PSD3: variants seen among roughly 807,000 people sequenced by gnomAD.
The protein encoded by PSD3 is PH and SEC7 domain-containing protein 3.
Under a neutral mutation model 105.5 loss-of-function variants are expected in PSD3, and 49 were observed. That is an observed-to-expected ratio of 0.46 (90% CI 0.37 to 0.59). The LOEUF (loss-of-function observed/expected upper bound fraction) is 0.59, where lower values mean the gene tolerates loss of function less well. PSD3 is among the 20% of genes least tolerant of loss of function. The pLI is 0.00. For missense variants in PSD3, 1,561 were observed against 1,263.8 expected, an observed-to-expected ratio of 1.24 and a Z score of -3.57; for synonymous variants, 557 against 457.8, an observed-to-expected ratio of 1.22 and a Z score of -2.77.
chr8:18,609,069 T>C (rs569666765), intron 11 of PSD3, among the ~76,000 whole-genome samples: 1 of 152,314 alleles, frequency 6.6e-6, no homozygotes, highest in East Asian at 1.9e-4. Context: ...AAAGACATAG[T>C]ATGAGCATTG....
intron 1 of PSD3, among the ~76,000 whole-genome samples, chr8:19,078,633 C>T (rs748177924): frequency 6.6e-6 from 1 of 151,928 alleles, no homozygotes; most frequent in African/African-American, 2.4e-5. Context: ...ATCTCAGCAC[C>T]CCTGTTAGCA....
chr8:18,806,903 C>A (rs1811254714), intron 4 of PSD3, among the ~76,000 whole-genome samples: 1 of 152,134 alleles, frequency 6.6e-6, no homozygotes, highest in Admixed American at 6.5e-5. Context: ...AATAAAAAAG[C>A]AGTACTGCTA....
At chr8:18,572,819 A>C in intron 13 of PSD3, 147 bp from the exon 14 acceptor site, 1 of 878,848 alleles carries the variant, frequency 1.1e-6, no homozygotes, top group Non-Finnish European at 1.7e-6. Context: ...ACTTCATTAG[A>C]GATGAACATT....
intron 2 of PSD3, among the ~76,000 whole-genome samples, chr8:18,878,091 T>C (rs955479950): frequency 3.3e-5 from 5 of 152,222 alleles, no homozygotes; most frequent in Non-Finnish European, 7.3e-5. Context: ...TTTCGTTCCA[T>C]GACCATGGGC....
intron 4 of PSD3, among the ~76,000 whole-genome samples, chr8:18,846,901 G>A (rs1323148143): frequency 6.6e-6 from 1 of 152,106 alleles, no homozygotes; most frequent in African/African-American, 2.4e-5. Flanking sequence ...TCAGAAACGG[G>A]TAGGTGACAC....
chr8:19,023,933 A>G (rs1008625018), intron 1 of PSD3, among the ~76,000 whole-genome samples: 5 of 152,204 alleles, frequency 3.3e-5, no homozygotes, highest in African/African-American at 1.2e-4. Flanking sequence ...AGCACTATGC[A>G]CTGTACTGTA....
intron 1 of PSD3, chr8:19,000,817 T>C (rs943306379): frequency 1.3e-5 from 2 of 151,940 alleles, no homozygotes; most frequent in Admixed American, 6.6e-5. Context: ...ATATTCTTAA[T>C]AGGGTTCCTG....
intron 9 of PSD3, among the ~76,000 whole-genome samples, chr8:18,755,246 T>A (rs1805919822): frequency 6.6e-6 from 1 of 151,948 alleles, no homozygotes; most frequent in African/African-American, 2.4e-5. Flanking sequence ...CTGGTCAACA[T>A]GGTGAAACCC....
chr8:18,590,849 C>A (rs1803549400), intron 12 of PSD3, among the ~76,000 whole-genome samples: 1 of 151,946 alleles, frequency 6.6e-6, no homozygotes, highest in South Asian at 2.1e-4. Context: ...CACCAAATAC[C>A]AGATTGATGA....
chr8:18,653,859 C>A (rs1044260953), intron 10 of PSD3, among the ~76,000 whole-genome samples: 1 of 151,522 alleles, frequency 6.6e-6, no homozygotes, highest in Non-Finnish European at 1.5e-5. Context: ...TCAATGTATT[C>A]TCTTGCCCAG....
chr8:18,686,891 T>C (rs922603997), intron 9 of PSD3, among the ~76,000 whole-genome samples: 1 of 152,186 alleles, frequency 6.6e-6, no homozygotes, highest in African/African-American at 2.4e-5. Context: ...CTTCTCCTCA[T>C]TCAGCAGTCA....
intron 1 of PSD3, among the ~76,000 whole-genome samples, chr8:19,036,092 A>C (rs1452302257): frequency 6.6e-6 from 1 of 152,150 alleles, no homozygotes; most frequent in Admixed American, 6.6e-5. Context: ...TGCAATGTTC[A>C]AATCACCACT....
At chr8:18,659,605 C>T (rs1002367236) in intron 9 of PSD3, among the ~76,000 whole-genome samples, 1 of 152,138 alleles carries the variant, frequency 6.6e-6, no homozygotes, top group Non-Finnish European at 1.5e-5. Flanking sequence ...AAGTCAGAGC[C>T]CATTTGAAAA....
rs572581270 is a variant in PSD3 at position 18,736,800 on chromosome 8, A to C, written c.2172+28649T>G. Among the ~76,000 whole-genome samples the C allele has an allele frequency of 7.2e-5, 11 of 152,376 alleles. No individual in the cohort carries two copies. The East Asian group carries it at 2.1e-3, about 29-fold the overall frequency. On this transcript the variant is annotated intron_variant, in intron 9 of 15. Transcript: ENST00000327040. ...TATCAGAATCGTCATCAATTAAATCAGTAATTAGACTTATTATTTGTTTTT... is the reference window on the plus strand; with the variant it reads ...TATCAGAATCGTCATCAATTAAATCCGTAATTAGACTTATTATTTGTTTTT...
At chr8:18,754,289 C>A (rs533372922) in intron 9 of PSD3, among the ~76,000 whole-genome samples, 1 of 152,226 alleles carries the variant, frequency 6.6e-6, no homozygotes, top group East Asian at 1.9e-4. Flanking sequence ...GAGGCTAAGA[C>A]AGGGGAATCA....
intron 12 of PSD3, among the ~76,000 whole-genome samples, chr8:18,596,512 G>C (rs1458558656): frequency 2.0e-5 from 3 of 151,474 alleles, no homozygotes; most frequent in Non-Finnish European, 4.4e-5. Flanking sequence ...AGAAATAAAA[G>C]AAATAGAGAA....
intron 1 of PSD3, among the ~76,000 whole-genome samples, chr8:18,938,055 G>A (rs117905957): frequency 0.022 from 3,283 of 152,230 alleles, 54 homozygotes; most frequent in Non-Finnish European, 0.028. Flanking sequence ...AGGAAAGGAC[G>A]GAGCATTTTG....
In PSD3 at chr8:18,533,038, A is replaced by C. The variant is rs1221764607; in HGVS notation, c.*2705T>G. ...GGAAGGGGTGCTCCCTTGTACCGTG[A>C]ATTGGGCAACAGGCTTGGAGCAGCT... On this transcript the variant is annotated 3_prime_UTR_variant, in exon 16 of 16. Transcript: ENST00000327040. 1.3e-5 allele frequency: 2 copies of C among 152,266 alleles called. No homozygotes were observed. Among genetic ancestry groups the C allele is most frequent in the African/African-American group, 4.8e-5 (2 of 41,454 alleles). 9.4% of individuals were successfully genotyped at this position (152,266 alleles called of 1,614,324 possible).
At chr8:18,555,899 C>T (rs1313405593) in intron 15 of PSD3, among the ~76,000 whole-genome samples, 3 of 152,208 alleles carry the variant, frequency 2.0e-5, no homozygotes, top group African/African-American at 7.2e-5. Context: ...ATACAGAAAG[C>T]AGCTGTCCAC....
Sources: gnomAD v4.1 joint callset for allele counts (sites outside exome capture counted in the v4.1 genomes callset) on GRCh38, gnomAD v4.1.1 for gene constraint, MANE v1.5 for transcripts, NCBI Gene and HGNC (gene_info 2026-07-23, HGNC 2026-07-21) for gene names.